The following TENM2 variants were observed in gnomAD, a reference collection of about 807,000 sequenced individuals.
TENM2 encodes the protein teneurin-2.
TENM2 carries 52 observed loss-of-function variants against 245.2 expected under a neutral mutation model. The ratio of observed to expected loss-of-function variants is 0.21; its 90% CI spans 0.17 to 0.27. The LOEUF is 0.27. Among genes scored for constraint, TENM2 ranks in the 10% least tolerant of loss-of-function variants. The probability of loss-of-function intolerance (pLI) is 1.00; values close to 1 mark genes in which losing one functional copy is unlikely to be tolerated. For synonymous variants in TENM2, 1,363 were observed against 1,438.9 expected, an observed-to-expected ratio of 0.95 and a Z score of 1.19; for missense variants, 3,046 against 3,666.8, an observed-to-expected ratio of 0.83 and a Z score of 4.37.
At chr5:167,098,236 C>G in the TENM2 span, among the ~76,000 whole-genome samples, 1 of 152,298 alleles carries the variant, frequency 6.6e-6, no homozygotes. Context: ...GGACTGAACC[C>G]TAAGACATTT....
At position 167,603,022 on chromosome 5, in the gene TENM2, T is replaced by C. The variant is rs145927470; in HGVS notation, c.502+227549T>C. Among the ~76,000 whole-genome samples the C allele has an allele frequency of 7.0e-3, 1,059 of 152,214 alleles. 3 individuals are homozygous for C. Among genetic ancestry groups the C allele is most frequent in the Middle Eastern group, 0.01 (3 of 294 alleles). On this transcript the variant is annotated intron_variant, in intron 2 of 28. Coordinates refer to ENST00000518659, the Ensembl canonical transcript of TENM2. ...AACATCAAGAATAAGAATTGTAAGATGGGTATGATTCTGACACTCAGTTAG... is the reference window on the plus strand; with the variant it reads ...AACATCAAGAATAAGAATTGTAAGACGGGTATGATTCTGACACTCAGTTAG...
At chr5:168,135,883 G>A (rs941056214) in intron 12 of TENM2, among the ~76,000 whole-genome samples, 6 of 152,040 alleles carry the variant, frequency 3.9e-5, no homozygotes, top group African/African-American at 1.4e-4. Flanking sequence ...TTTTGGTTTT[G>A]GGTTTTGGGC....
chr5:167,194,270 G>T, the TENM2 span, among the ~76,000 whole-genome samples: 1 of 151,984 alleles, frequency 6.6e-6, no homozygotes, highest in Admixed American at 6.6e-5. Flanking sequence ...AGACTCATTT[G>T]CTTCACAACC....
chr5:167,150,616 C>A, the TENM2 span, among the ~76,000 whole-genome samples: 2 of 152,132 alleles, frequency 1.3e-5, no homozygotes, highest in African/African-American at 2.4e-5. Flanking sequence ...TCACAACAAC[C>A]AACTAATCAA....
rs527935421 is a variant in TENM2, at chr5:167,795,021, T to G, written c.503-80965T>G. On this transcript the variant is annotated intron_variant, in intron 2 of 28. Transcript: ENST00000518659. The stretch of plus-strand genomic sequence containing the variant: ...TCTAACATTATTCCAAAATAAAATT[T>G]TATTTTACAAACAAAATCAGGAATG... Among the ~76,000 whole-genome samples the G allele has an allele frequency of 5.3e-5, 8 of 152,300 alleles. No individual in the cohort carries two copies. In the East Asian group the frequency reaches 1.5e-3, roughly 29 times the overall value.
chr5:167,740,460 A>G (rs1761103975), intron 2 of TENM2, among the ~76,000 whole-genome samples: 1 of 152,018 alleles, frequency 6.6e-6, no homozygotes, highest in East Asian at 1.9e-4. Flanking sequence ...TGTTGACACT[A>G]CTTCCCTTCA....
chr5:168,254,144 G>T (rs1208358619), intron 27 of TENM2, among the ~76,000 whole-genome samples: 2 of 152,240 alleles, frequency 1.3e-5, no homozygotes, highest in African/African-American at 4.8e-5. Context: ...GAGGGAGAAC[G>T]CGCTTTGGCG....
chr5:167,481,499 T>C (rs1767756052), intron 2 of TENM2, among the ~76,000 whole-genome samples: 3 of 152,242 alleles, frequency 2.0e-5, no homozygotes, highest in African/African-American at 4.8e-5. Flanking sequence ...GCTTCCATAC[T>C]ACAAAGGCAC....
the TENM2 span, among the ~76,000 whole-genome samples, chr5:167,268,298 T>G: frequency 6.6e-6 from 1 of 152,154 alleles, no homozygotes; most frequent in Non-Finnish European, 1.5e-5. Flanking sequence ...TACAGAAAGG[T>G]CAGATTTCAA....
At chr5:167,245,816 C>G in the TENM2 span, among the ~76,000 whole-genome samples, 1 of 152,024 alleles carries the variant, frequency 6.6e-6, no homozygotes, top group Admixed American at 6.6e-5. Flanking sequence ...AAGAATATCC[C>G]TACTTTCTTT....
At chr5:168,155,253 C>T (rs1011221366) in intron 12 of TENM2, among the ~76,000 whole-genome samples, 1 of 152,126 alleles carries the variant, frequency 6.6e-6, no homozygotes, top group African/African-American at 2.4e-5. Flanking sequence ...TTTTCAACTA[C>T]AAAGAGCTCT....
At chr5:167,398,307 GATA>G (rs1354108936) in intron 2 of TENM2, among the ~76,000 whole-genome samples, 4 of 151,990 alleles carry the variant, frequency 2.6e-5, no homozygotes, top group Non-Finnish European at 5.9e-5. Flanking sequence ...GCAAAATGTG[GATA>G]ATAATTGTCC....
chr5:167,133,618 G>A, the TENM2 span, among the ~76,000 whole-genome samples: 33,581 of 138,810 alleles, frequency 0.24, 6,759 homozygotes, highest in African/African-American at 0.54. Flanking sequence ...CTCAAACTTG[G>A]AAAAAAAAAA....
chr5:167,663,178 GAGAGAGAGAA>G (rs1344815193), intron 2 of TENM2, among the ~76,000 whole-genome samples: 12 of 139,092 alleles, frequency 8.6e-5, no homozygotes, highest in South Asian at 4.3e-4. Context: ...GAGAGAGAGA[GAGAGAGAGAA>G]AGAGAGAGAA....
rs114750608 is a variant in TENM2, at chr5:168,149,750, C to T, written c.2423-12861C>T. 3.6e-3 allele frequency among the ~76,000 whole-genome samples: 555 copies of T among 152,314 alleles called. 4 individuals are homozygous for T. Among genetic ancestry groups the T allele is most frequent in the African/African-American group, 0.013 (539 of 41,578 alleles). On this transcript the variant is annotated intron_variant, in intron 12 of 28. Coordinates refer to ENST00000518659, the Ensembl canonical transcript of TENM2. ...TCCTCTGCTCAAAAGCTTCCAATGA[C>T]TTCTTTTCACTCAGAATAAAAGCAA...
intron 2 of TENM2, among the ~76,000 whole-genome samples, chr5:167,495,633 A>C (rs1768765981): frequency 6.6e-6 from 1 of 152,040 alleles, no homozygotes; most frequent in African/African-American, 2.4e-5. Context: ...GATTTCTGTG[A>C]TTTCTGAGAT....
At chr5:167,548,530 A>C (rs1772718187) in intron 2 of TENM2, among the ~76,000 whole-genome samples, 2 of 143,510 alleles carry the variant, frequency 1.4e-5, no homozygotes, top group African/African-American at 2.6e-5. Flanking sequence ...TCTTTAAGGC[A>C]GTATTTATTA....
At chr5:167,324,773 TATTAGTATTCC>T (rs1756987860) in intron 1 of TENM2, among the ~76,000 whole-genome samples, 1 of 152,212 alleles carries the variant, frequency 6.6e-6, no homozygotes, top group Admixed American at 6.5e-5. Context: ...ATAATAATCA[TATTAGTATTCC>T]ACTTTCAGGT....
At chr5:167,388,973 A>G (rs1761602168) in intron 2 of TENM2, among the ~76,000 whole-genome samples, 1 of 151,992 alleles carries the variant, frequency 6.6e-6, no homozygotes, top group Non-Finnish European at 1.5e-5. Context: ...ATCAGGTCCT[A>G]TAGAATTTGA....
Sources: allele counts gnomAD v4.1 joint callset (sites outside exome capture counted in the v4.1 genomes callset), GRCh38; gene constraint gnomAD v4.1.1; transcripts MANE v1.5; gene names NCBI Gene and HGNC (gene_info 2026-07-23, HGNC 2026-07-21).